LAMA2: variants seen among roughly 807,000 people sequenced by gnomAD.
LAMA2 encodes laminin subunit alpha 2, also known as laminin subunit alpha-2.
Under a neutral mutation model 364.8 loss-of-function variants are expected in LAMA2, and 269 were observed. That is an observed-to-expected ratio of 0.74 (90% CI 0.67 to 0.82). The LOEUF (loss-of-function observed/expected upper bound fraction) is 0.82, where lower values mean the gene tolerates loss of function less well. Ranked by LOEUF, LAMA2 falls within the 40% of genes least tolerant of loss-of-function variation. The pLI is 0.00. For synonymous variants in LAMA2, 1,379 were observed against 1,370.6 expected (o/e 1.01, Z -0.14); for missense variants, 3,807 against 3,873.2 (o/e 0.98, Z 0.45).
intron 1 of LAMA2, among the ~76,000 whole-genome samples, chr6:128,942,297 G>A (rs545067068): frequency 2.0e-5 from 3 of 151,620 alleles, no homozygotes; most frequent in Non-Finnish European, 2.9e-5. Flanking sequence ...TTTTACTCAA[G>A]AGCTTTTAAA....
intron 51 of LAMA2, among the ~76,000 whole-genome samples, chr6:129,471,872 T>C (rs1045393137): frequency 6.6e-6 from 1 of 151,962 alleles, no homozygotes; most frequent in Non-Finnish European, 1.5e-5. Context: ...TTAGTCCTTT[T>C]TTAATAAGGC....
intron 4 of LAMA2, among the ~76,000 whole-genome samples, chr6:129,129,796 C>T (rs1445086606): frequency 1.3e-5 from 2 of 149,662 alleles, no homozygotes; most frequent in East Asian, 2.0e-4. Flanking sequence ...TAGTGGCGGG[C>T]GCCTGTAGTC....
At chr6:129,370,338 T>C (rs777349999) in intron 34 of LAMA2, among the ~76,000 whole-genome samples, 1 of 152,174 alleles carries the variant, frequency 6.6e-6, no homozygotes, top group Non-Finnish European at 1.5e-5. Flanking sequence ...ATGAAAATGC[T>C]TGTGGTCTCT....
chr6:129,425,140 AAG>A (rs1781263116), intron 40 of LAMA2, among the ~76,000 whole-genome samples: 2 of 152,158 alleles, frequency 1.3e-5, no homozygotes, highest in South Asian at 4.1e-4. Flanking sequence ...GGATAGAAGA[AAG>A]AGATTCAAAA....
At position 129,165,657 on chromosome 6, in the gene LAMA2, G is replaced by T. The variant is rs1583169151; in HGVS notation, c.1288G>T (p.Glu430Ter). 6.2e-7 allele frequency: 1 copy of T among 1,610,800 alleles called. No individual in the cohort carries two copies. The highest frequency in any genetic ancestry group is 1.7e-4 in the Middle Eastern group (1 of 6,058). ...GSLNEVCVKD[E>*]KHARRGLAPG... ...CTTAAATGAAGTCTGTGTCAAGGAT[G>T]AGAAACATGCTCGACGAGGTGAGAG... Residue 430 changes from glutamate to a stop codon, truncating the protein, a stop_gained, in exon 9 of 65, where the codon GAG becomes TAG. Transcript: ENST00000421865. LOFTEE classifies it high-confidence loss of function.
At chr6:129,262,193 C>T (rs1214038556) in intron 15 of LAMA2, among the ~76,000 whole-genome samples, 1 of 152,050 alleles carries the variant, frequency 6.6e-6, no homozygotes, top group African/African-American at 2.4e-5. Context: ...AAAATATTTT[C>T]AATACATTCT....
chr6:129,010,481 T>A (rs549331409), intron 1 of LAMA2, among the ~76,000 whole-genome samples: 1 of 152,328 alleles, frequency 6.6e-6, no homozygotes, highest in East Asian at 1.9e-4. Context: ...TAGAAAATTC[T>A]CTCCTCAAGA....
intron 4 of LAMA2, among the ~76,000 whole-genome samples, chr6:129,128,575 T>C (rs1345257965): frequency 6.6e-6 from 1 of 152,218 alleles, no homozygotes; most frequent in Non-Finnish European, 1.5e-5. Context: ...AATCTGTAGA[T>C]TGCTTTGGGT....
intron 58 of LAMA2, among the ~76,000 whole-genome samples, 160 bp from the exon 59 acceptor site, chr6:129,502,499 C>T (rs952245263): frequency 6.6e-6 from 1 of 152,106 alleles, no homozygotes; most frequent in Non-Finnish European, 1.5e-5. Flanking sequence ...ACTGAGCACT[C>T]AATAATAAGT....
At chr6:129,446,549 G>C (rs868557558) in intron 45 of LAMA2, among the ~76,000 whole-genome samples, 34 of 51,664 alleles carry the variant, frequency 6.6e-4, no homozygotes, top group African/African-American at 2.6e-3. Context: ...CGAGGGGAGG[G>C]GAGGGGAGGG....
At chr6:129,159,999 A>G (rs1779355469) in intron 8 of LAMA2, among the ~76,000 whole-genome samples, 1 of 152,186 alleles carries the variant, frequency 6.6e-6, no homozygotes. Flanking sequence ...GGATGATTCA[A>G]TTGACTAATG....
Position 129,287,962 on chromosome 6 carries a change from T to G in LAMA2, c.2653T>G (p.Ser885Ala). The change falls in exon 19 of 65, where the codon TCC becomes GCC. Residue 885 changes from serine to alanine, a missense_variant. Around this residue, in one of 3 missense-constraint regions of LAMA2, gnomAD observed 3,333 missense variants for 3,345.7 expected, o/e 1.00. Transcript: ENST00000421865. ...IPGSCDSLSG[S>A]CLICKPGTTG... is the part of the protein sequence containing the mutation. ...TGGCAGCTGTGACAGCTTGTCTGGC[T>G]CCTGTCTGATATGTAAACCAGGTAC... 1 of 1,614,128 alleles carries G rather than the reference T, an allele frequency of 6.2e-7. No homozygotes were observed. The highest frequency in any genetic ancestry group is 8.5e-7 in the Non-Finnish European group (1 of 1,179,964).
intron 35 of LAMA2, among the ~76,000 whole-genome samples, chr6:129,388,269 C>A (rs202113960): frequency 5.0e-4 from 68 of 137,004 alleles, no homozygotes; most frequent in Admixed American, 6.5e-4. Context: ...AAAAAAAAAA[C>A]AAAAACAAAC....
chr6:129,133,115 C>G (rs1380153790), intron 4 of LAMA2, among the ~76,000 whole-genome samples: 2 of 152,154 alleles, frequency 1.3e-5, no homozygotes, highest in Admixed American at 1.3e-4. Flanking sequence ...CACATAGACT[C>G]AGGTTTATAA....
intron 1 of LAMA2, among the ~76,000 whole-genome samples, chr6:128,935,247 A>C (rs1779748362): frequency 9.4e-6 from 1 of 106,322 alleles, no homozygotes; most frequent in Non-Finnish European, 1.8e-5. Context: ...CCCAATGTGT[A>C]ATGTTCCCCT....
chr6:129,199,876 C>T (rs1030551408), intron 12 of LAMA2, among the ~76,000 whole-genome samples: 10 of 151,778 alleles, frequency 6.6e-5, no homozygotes, highest in Middle Eastern at 3.2e-3. Flanking sequence ...GTCAGAAGTT[C>T]GAGACCACCC....
chr6:129,091,085 A>G (rs1774795218), intron 3 of LAMA2, among the ~76,000 whole-genome samples: 1 of 152,152 alleles, frequency 6.6e-6, no homozygotes, highest in African/African-American at 2.4e-5. Context: ...GCACTAAGGA[A>G]AAAAAATAAC....
chr6:129,047,125 T>G (rs541443532), intron 1 of LAMA2, among the ~76,000 whole-genome samples: 21 of 152,304 alleles, frequency 1.4e-4, no homozygotes, highest in African/African-American at 5.1e-4. Context: ...ATTTTTAAAT[T>G]TGTAACCTGA....
chr6:129,383,332 CTG>C, intron 35 of LAMA2, 99 bp downstream of exon 35: 1 of 943,968 alleles, frequency 1.1e-6, no homozygotes, highest in South Asian at 1.4e-5. Context: ...TAAGTGACAT[CTG>C]TAAAATCAAA....
Sources: allele counts gnomAD v4.1 joint callset (sites outside exome capture counted in the v4.1 genomes callset), GRCh38; gene constraint gnomAD v4.1.1; regional missense constraint gnomAD v4.1.1; transcripts MANE v1.5; gene names NCBI Gene and HGNC (gene_info 2026-07-23, HGNC 2026-07-21).